LRP8: variants seen among roughly 807,000 people sequenced by gnomAD.
The protein encoded by LRP8 is LDL receptor related protein 8.
Under a neutral mutation model 111.6 loss-of-function variants are expected in LRP8, and 46 were observed. The ratio of observed to expected loss-of-function variants is 0.41; its 90% CI spans 0.33 to 0.53. LRP8 has a LOEUF of 0.53. Ranked by LOEUF, LRP8 falls within the 20% of genes least tolerant of loss-of-function variation. The pLI is 0.20. For synonymous variants in LRP8, 464 were observed against 511.2 expected (o/e 0.91, Z 1.24); for missense variants, 959 against 1,297.4 (o/e 0.74, Z 4.01).
intron 6 of LRP8, chr1:53,274,628 C>T (rs1384605021): frequency 6.6e-6 from 3 of 453,002 alleles, no homozygotes; most frequent in Non-Finnish European, 1.3e-5. Context: ...ACTGGAGGGC[C>T]TTGAGCCTAG....
chr1:53,301,464 G>A (rs1329239022), intron 2 of LRP8, among the ~76,000 whole-genome samples: 1 of 152,238 alleles, frequency 6.6e-6, no homozygotes, highest in Non-Finnish European at 1.5e-5. Context: ...GCGCACGCCT[G>A]TAATGCCAGA....
At chr1:53,299,357 G>A (rs182533249) in intron 2 of LRP8, among the ~76,000 whole-genome samples, 18 of 152,308 alleles carry the variant, frequency 1.2e-4, no homozygotes, top group African/African-American at 3.9e-4. Flanking sequence ...AGTGAAAAAC[G>A]CAAATGCTTT....
chr1:53,269,847 T>TAAAACA (rs1484887964), intron 8 of LRP8, among the ~76,000 whole-genome samples: 80 of 152,360 alleles, frequency 5.3e-4, no homozygotes, highest in African/African-American at 1.9e-3. Flanking sequence ...GATTTGCATC[T>TAAAACA]GTTTTGCTTA....
At chr1:53,326,506 C>A (rs1655145836) in intron 2 of LRP8, among the ~76,000 whole-genome samples, 1 of 152,256 alleles carries the variant, frequency 6.6e-6, no homozygotes, top group African/African-American at 2.4e-5. Context: ...GCGCGTCCCG[C>A]GGGGCCGAGG....
At position 53,299,187 on chromosome 1, in the gene LRP8, G is replaced by A. The variant is rs377423934; in HGVS notation, c.245-9498C>T. Among the ~76,000 whole-genome samples the A allele has an allele frequency of 5.9e-5, 9 of 152,304 alleles. 1 individual carries two copies. In the South Asian group the frequency reaches 1.9e-3, roughly 32 times the overall value. ...CTGCCTGTGTGGAGCAAATGATTCA[G>A]TGATGACCCCTGCCTGTGTGGGGAG... On this transcript the variant is annotated intron_variant, in intron 2 of 18. Transcript: ENST00000306052.
chr1:53,315,850 A>G (rs1653724900), intron 2 of LRP8, among the ~76,000 whole-genome samples: 1 of 152,236 alleles, frequency 6.6e-6, no homozygotes, highest in Non-Finnish European at 1.5e-5. Context: ...CCAGCCAGGT[A>G]GGTCAGTTAG....
chr1:53,318,159 T>C (rs958113826), intron 2 of LRP8, among the ~76,000 whole-genome samples: 5 of 151,812 alleles, frequency 3.3e-5, no homozygotes, highest in Non-Finnish European at 7.4e-5. Flanking sequence ...GGGGCATAGA[T>C]AGAAGAATTA....
chr1:53,321,225 G>A (rs919648717), intron 2 of LRP8, among the ~76,000 whole-genome samples: 2 of 152,376 alleles, frequency 1.3e-5, no homozygotes, highest in African/African-American at 4.8e-5. Context: ...GGAGCTCAGG[G>A]CCTGAGGGGC....
rs1373593750 is a variant in LRP8, at chr1:53,246,791, A to C, written c.*227T>G. 22 of 520,730 alleles carry C rather than the reference A, an allele frequency of 4.2e-5. No individual in the cohort carries two copies. The highest frequency in any genetic ancestry group is 6.3e-5 in the Non-Finnish European group (19 of 299,664). 32.3% of individuals were successfully genotyped at this position (520,730 alleles called of 1,614,324 possible). A position where few individuals can be genotyped will look rare whatever the true frequency, so the allele number is the denominator to read the frequency against. ...TCATGGGTAGTGCAACCAGTTAAAA[A>C]GTGTATAAAACATTATACATAGAAA... On this transcript the variant is annotated 3_prime_UTR_variant, in exon 19 of 19. Transcript: ENST00000306052.
At chr1:53,320,255 G>A (rs1297379042) in intron 2 of LRP8, among the ~76,000 whole-genome samples, 1 of 152,232 alleles carries the variant, frequency 6.6e-6, no homozygotes, top group Non-Finnish European at 1.5e-5. Context: ...GGAGCCCAAA[G>A]CCCTTCGGTA....
rs768715478 is a variant in LRP8 at position 53,280,599 on chromosome 1, C to T, written c.484G>A (p.Gly162Ser). The T allele has an allele frequency of 1.1e-5, 17 of 1,612,502 alleles. No individual in the cohort carries two copies. The highest frequency in any genetic ancestry group is 5.3e-5 in the African/African-American group (4 of 74,944). ...KDCEGGADEA[G>S]CATLCAPHEF... ...ACCCCAGACTCACAGGTAGCACAGCCGGCCTCATCCGCTCCACCCTCGCAG... is the reference window on the plus strand; with the variant it reads ...ACCCCAGACTCACAGGTAGCACAGCTGGCCTCATCCGCTCCACCCTCGCAG... Residue 162 changes from glycine to serine, a missense_variant, in exon 4 of 19, where the codon GGC becomes AGC. Around this residue, in one of 3 missense-constraint regions of LRP8, gnomAD observed 819 missense variants for 1,097.6 expected, o/e 0.75. Transcript: ENST00000306052.
At chr1:53,314,037 T>C (rs1653456140) in intron 2 of LRP8, among the ~76,000 whole-genome samples, 1 of 152,056 alleles carries the variant, frequency 6.6e-6, no homozygotes, top group African/African-American at 2.4e-5. Flanking sequence ...CCTTCCCCTA[T>C]TCAAGGTGAG....
chr1:53,292,855 A>G (rs973100671), intron 2 of LRP8, among the ~76,000 whole-genome samples: 5 of 152,198 alleles, frequency 3.3e-5, no homozygotes, highest in Non-Finnish European at 7.3e-5. Context: ...CATCTCCACC[A>G]CGGCTCCCCA....
chr1:53,317,360 G>A lies in LRP8; in HGVS notation c.244+9513C>T, dbSNP rs536656710. Among the ~76,000 whole-genome samples, 42 of 152,312 alleles carry A rather than the reference G, an allele frequency of 2.8e-4. No homozygotes were observed. The South Asian group carries it at 6.4e-3, about 23-fold the overall frequency. ...CCAAGGCCCCACGTGGCTAACTACC[G>A]TGGCAGGCCCGGCTGGCTAACCAGC... On this transcript the variant is annotated intron_variant, in intron 2 of 18. Coordinates refer to ENST00000306052, the MANE Select transcript of LRP8 (RefSeq NM_004631.5). This position sits in a 1 kb window ranked among gnomAD's most constrained non-coding sequence, Gnocchi z 4.9.
chr1:53,270,812 T>C (rs1292806075), intron 8 of LRP8, among the ~76,000 whole-genome samples: 1 of 152,206 alleles, frequency 6.6e-6, no homozygotes, highest in Non-Finnish European at 1.5e-5. Flanking sequence ...TGTACTCTTA[T>C]CTCCTTAATA....
At chr1:53,264,029 G>T (rs757594951) in intron 10 of LRP8, 140 bp downstream of exon 10, 20 of 786,178 alleles carry the variant, frequency 2.5e-5, no homozygotes, top group Non-Finnish European at 3.7e-5. Flanking sequence ...CTTGGTTGGG[G>T]ATTAACAAGA....
intron 2 of LRP8, among the ~76,000 whole-genome samples, chr1:53,322,231 C>G (rs1432859378): frequency 6.6e-6 from 1 of 152,186 alleles, no homozygotes; most frequent in Non-Finnish European, 1.5e-5. Context: ...TCCTCACAAC[C>G]ATTCATCCAG....
chr1:53,307,634 A>G (rs1359142645), intron 2 of LRP8, among the ~76,000 whole-genome samples: 1 of 152,248 alleles, frequency 6.6e-6, no homozygotes, highest in Non-Finnish European at 1.5e-5. Context: ...TGCAGCACAC[A>G]GACCGCATAC....
At chr1:53,288,729 A>C (rs924621554) in intron 3 of LRP8, among the ~76,000 whole-genome samples, 10 of 152,080 alleles carry the variant, frequency 6.6e-5, no homozygotes, top group Admixed American at 5.9e-4. Context: ...TATCCTCCAC[A>C]TGCTTTTGCC....
Sources: gnomAD v4.1 joint callset for allele counts (sites outside exome capture counted in the v4.1 genomes callset) on GRCh38, gnomAD v4.1.1 for gene constraint, gnomAD v4.1.1 regional missense constraint, Gnocchi (gnomAD v3.1) non-coding constraint, MANE v1.5 for transcripts, NCBI Gene and HGNC (gene_info 2026-07-23, HGNC 2026-07-21) for gene names.